Variants in NRL observed in about 807,000 individuals in gnomAD.
The protein encoded by NRL is neural retina-specific leucine zipper protein.
NRL carries 16 observed loss-of-function variants against 12.5 expected under a neutral mutation model. That is an observed-to-expected ratio of 1.28 (90% confidence interval 0.87 to 1.95). The LOEUF (loss-of-function observed/expected upper bound fraction) is 1.95, where lower values mean the gene tolerates loss of function less well. Ranked by LOEUF, NRL falls within the 30% of genes most tolerant of loss-of-function variation. The pLI, the probability that NRL is intolerant of heterozygous loss-of-function variation, is 0.00. For missense variants in NRL, 314 were observed against 325.8 expected, an observed-to-expected ratio of 0.96 and a Z score of 0.28; for synonymous variants, 142 against 150.9, an observed-to-expected ratio of 0.94 and a Z score of 0.43.
chr14:24,107,668 CT>C (rs549185875), intron 1 of NRL, among the ~76,000 whole-genome samples: 20 of 152,174 alleles, frequency 1.3e-4, no homozygotes, highest in Non-Finnish European at 1.8e-4. Context: ...CAGATTCCCC[CT>C]CCATTCCTTT....
intron 1 of NRL, among the ~76,000 whole-genome samples, chr14:24,113,559 C>T (rs2037461181): frequency 6.6e-6 from 1 of 152,184 alleles, no homozygotes; most frequent in Non-Finnish European, 1.5e-5. Flanking sequence ...AGCAGACCGC[C>T]TACATAATCA....
intron 1 of NRL, chr14:24,095,077 G>A: frequency 2.2e-6 from 1 of 456,264 alleles, no homozygotes; most frequent in South Asian, 1.5e-5. Flanking sequence ...GGAGCCCCCA[G>A]GCTCGTCCTG....
chr14:24,090,269 G>C (rs112722597), intron 1 of NRL, among the ~76,000 whole-genome samples: 1,494 of 12,020 alleles, frequency 0.12, 111 homozygotes, highest in South Asian at 0.16. Flanking sequence ...TTTACTCGGG[G>C]GGGGGGGGGG....
intron 1 of NRL, chr14:24,096,986 A>G: frequency 3.1e-6 from 5 of 1,613,400 alleles, no homozygotes; most frequent in Non-Finnish European, 4.2e-6. Context: ...CCAGCTTCCC[A>G]CTGGCATTCG....
intron 1 of NRL, chr14:24,095,001 G>A (rs2036800196): frequency 3.9e-6 from 2 of 510,420 alleles, no homozygotes; most frequent in East Asian, 6.9e-5. Flanking sequence ...AGGCAAGCAA[G>A]GTGGGAGGAG....
chr14:24,079,779 C>T lies in NRL; in HGVS notation c.*1457G>A, dbSNP rs529825570. Among the ~76,000 whole-genome samples, 91 of 152,304 alleles carry T rather than the reference C, an allele frequency of 6.0e-4. No homozygotes were observed. Among genetic ancestry groups the T allele is most frequent in the African/African-American group, 2.0e-3 (82 of 41,558 alleles). ...CGTGAGGCGGCTGCTCCCAGCACAACGCCTGTGCTCTGCCCAGAGGCCCCA... is the reference window on the plus strand; with the variant it reads ...CGTGAGGCGGCTGCTCCCAGCACAATGCCTGTGCTCTGCCCAGAGGCCCCA... On this transcript the variant is annotated 3_prime_UTR_variant, in exon 3 of 3. Coordinates refer to ENST00000561028, the MANE Select transcript of NRL (RefSeq NM_001354768.3).
rs529973280 is a variant in NRL at position 24,097,389 on chromosome 14, G to GAA, written c.-27-14516_-27-14515dup. ...AACATGGAGAAACCCCGTCTCTACT[G>GAA]AAAAAAAAAAAAAAAAATACAAAAA... is the stretch of plus-strand genomic sequence containing the variant. On this transcript the variant is annotated intron_variant, in intron 1 of 2. Coordinates refer to ENST00000561028, the MANE Select transcript of NRL (RefSeq NM_001354768.3). Among the ~76,000 whole-genome samples the GAA allele has an allele frequency of 9.1e-4, 108 of 118,664 alleles. 2 individuals carry two copies. The South Asian group carries it at 0.013, about 14-fold the overall frequency. The allele number at this position is 118,664 out of a possible 152,430, so 77.8% of individuals were successfully genotyped here. A position where few individuals can be genotyped will look rare whatever the true frequency, so the allele number is the denominator to read the frequency against.
At chr14:24,089,625 G>A (rs962160382) in intron 1 of NRL, among the ~76,000 whole-genome samples, 2 of 152,198 alleles carry the variant, frequency 1.3e-5, no homozygotes, top group Non-Finnish European at 1.5e-5. Flanking sequence ...TTAGAGATGT[G>A]TCTACATAAA....
rs559023906 is a variant in NRL, at chr14:24,079,658, G to A, written c.*1578C>T. Among the ~76,000 whole-genome samples the A allele has an allele frequency of 2.6e-5, 4 of 152,072 alleles. No individual in the cohort carries two copies. Among genetic ancestry groups the A allele is most frequent in the African/African-American group, 9.6e-5 (4 of 41,496 alleles). On this transcript the variant is annotated 3_prime_UTR_variant, in exon 3 of 3. Transcript: ENST00000561028. ...CAGCTGGGGAGGGGGTGGAGAGAGGGGGTAGAAAGGAAGAGGGACATATGG... is the reference window on the plus strand; with the variant it reads ...CAGCTGGGGAGGGGGTGGAGAGAGGAGGTAGAAAGGAAGAGGGACATATGG...
In NRL at chr14:24,094,653, T is replaced by C. The variant is rs2036776190; in HGVS notation, c.-27-11778A>G. 1 of 1,499,800 alleles carries C rather than the reference T, an allele frequency of 6.7e-7. No homozygotes were observed. Among genetic ancestry groups the C allele is most frequent in the Non-Finnish European group, 8.9e-7 (1 of 1,126,286 alleles). 92.9% of individuals were successfully genotyped at this position (1,499,800 alleles called of 1,614,324 possible). A position where few individuals can be genotyped will look rare whatever the true frequency, so the allele number is the denominator to read the frequency against. On this transcript the variant is annotated intron_variant, in intron 1 of 2. Transcript: ENST00000561028. The surrounding 1 kb of genome is among the most constrained non-coding windows in gnomAD (Gnocchi z 4.1). ...GTTTCCGCCTGCACCTCCCCTTCTCTGCCTCGCTCGCCTCTGACCGCGCGA... is the reference window on the plus strand; with the variant it reads ...GTTTCCGCCTGCACCTCCCCTTCTCCGCCTCGCTCGCCTCTGACCGCGCGA...
At position 24,110,313 on chromosome 14, in the gene NRL, T is replaced by C. The variant is rs1301729291; in HGVS notation, c.-28+4409A>G. On this transcript the variant is annotated intron_variant, in intron 1 of 2. Coordinates refer to ENST00000561028, the MANE Select transcript of NRL (RefSeq NM_001354768.3). Reference sequence around the variant, plus strand: ...TCGTAGAGATGGGGTTTCGTCACATTGCCCAGGCTGATCTCAAATTCCTGT... The same window carrying C: ...TCGTAGAGATGGGGTTTCGTCACATCGCCCAGGCTGATCTCAAATTCCTGT... 12 of 380,370 alleles carry C rather than the reference T, an allele frequency of 3.2e-5. 1 individual carries two copies. The highest frequency in any genetic ancestry group is 2.1e-4 in the South Asian group (12 of 56,718). 23.6% of individuals were successfully genotyped at this position (380,370 alleles called of 1,614,324 possible).
chr14:24,111,668 A>ATTT (rs1180604163), intron 1 of NRL, among the ~76,000 whole-genome samples: 1 of 151,958 alleles, frequency 6.6e-6, no homozygotes, highest in Non-Finnish European at 1.5e-5. Flanking sequence ...CGCCCGGCCA[A>ATTT]TTTTTTTAAA....
At chr14:24,088,233 C>A (rs1009399781) in intron 1 of NRL, among the ~76,000 whole-genome samples, 31 of 152,242 alleles carry the variant, frequency 2.0e-4, no homozygotes, top group Admixed American at 1.7e-3. Context: ...CCAAAAGGCC[C>A]AAGCCCACTC....
intron 1 of NRL, among the ~76,000 whole-genome samples, chr14:24,084,252 A>C (rs1477702661): frequency 6.6e-6 from 1 of 152,208 alleles, no homozygotes; most frequent in Admixed American, 6.5e-5. Context: ...AAACAGACAC[A>C]GATTAAAGGA....
chr14:24,113,619 T>G (rs1049294264), intron 1 of NRL, among the ~76,000 whole-genome samples: 1 of 152,238 alleles, frequency 6.6e-6, no homozygotes, highest in Non-Finnish European at 1.5e-5. Flanking sequence ...TTAAAATTAC[T>G]AATAATTTCA....
chr14:24,083,622 C>T (rs1470189286), intron 1 of NRL, among the ~76,000 whole-genome samples: 2 of 152,198 alleles, frequency 1.3e-5, no homozygotes, highest in Non-Finnish European at 2.9e-5. Flanking sequence ...GGCAGATCAC[C>T]TTCACCCTTC....
Position 24,094,904 on chromosome 14 carries a change from A to G in NRL, c.-27-12029T>C. The G allele has an allele frequency of 8.3e-7, 1 of 1,210,758 alleles. No individual in the cohort carries two copies. Among genetic ancestry groups the G allele is most frequent in the Non-Finnish European group, 1.1e-6 (1 of 917,838 alleles). The allele number at this position is 1,210,758 out of a possible 1,614,324, so 75.0% of individuals were successfully genotyped here. A position where few individuals can be genotyped will look rare whatever the true frequency, so the allele number is the denominator to read the frequency against. On this transcript the variant is annotated intron_variant, in intron 1 of 2. Transcript: ENST00000561028. The surrounding 1 kb of genome is among the most constrained non-coding windows in gnomAD (Gnocchi z 4.1). ...CCCTAAAGAAGGTGGAAGGTTAAATATCCATTCCCGGCCTCTCCCGGACTG... is the reference window on the plus strand; with the variant it reads ...CCCTAAAGAAGGTGGAAGGTTAAATGTCCATTCCCGGCCTCTCCCGGACTG...
At chr14:24,100,457 A>G in intron 1 of NRL, 2 of 924,782 alleles carry the variant, frequency 2.2e-6, no homozygotes, top group Non-Finnish European at 3.1e-6. Context: ...CAGTTGAATG[A>G]GGGTAGTTGT....
intron 1 of NRL, among the ~76,000 whole-genome samples, chr14:24,108,417 A>G (rs2037370866): frequency 6.6e-6 from 1 of 152,200 alleles, no homozygotes; most frequent in Admixed American, 6.5e-5. Context: ...AGCTCACTGC[A>G]GCCTTGAATT....
Sources: gnomAD v4.1 joint callset for allele counts (sites outside exome capture counted in the v4.1 genomes callset) on GRCh38, gnomAD v4.1.1 for gene constraint, Gnocchi (gnomAD v3.1) non-coding constraint, MANE v1.5 for transcripts, NCBI Gene and HGNC (gene_info 2026-07-23, HGNC 2026-07-21) for gene names.